SMIM21: variants seen among roughly 807,000 people sequenced by gnomAD.
SMIM21 encodes the protein small integral membrane protein 21, also known as chromosome 18 open reading frame 62.
Under a neutral mutation model 8.6 loss-of-function variants are expected in SMIM21, and 8 were observed. That is an observed-to-expected ratio of 0.93 (90% CI 0.55 to 1.68). SMIM21 has a LOEUF of 1.68. SMIM21 is among the 40% of genes most tolerant of loss of function. The pLI, the probability that SMIM21 is intolerant of heterozygous loss-of-function variation, is 0.00. For synonymous variants in SMIM21, 43 were observed against 41.7 expected (o/e 1.03, Z -0.12); for missense variants, 132 against 123.0 (o/e 1.07, Z -0.35).
intron 1 of SMIM21, among the ~76,000 whole-genome samples, chr18:75,419,400 C>T (rs1445212893): frequency 6.6e-6 from 1 of 152,070 alleles, no homozygotes; most frequent in Admixed American, 6.5e-5. Context: ...TGACAATGTG[C>T]CAACAAAATT....
chr18:75,413,568 A>G (rs1256145305), intron 2 of SMIM21, among the ~76,000 whole-genome samples: 1 of 152,210 alleles, frequency 6.6e-6, no homozygotes, highest in Non-Finnish European at 1.5e-5. Flanking sequence ...TTAGTATAAA[A>G]CAGGACACAT....
chr18:75,410,975 T>C lies in SMIM21; in HGVS notation c.261-66A>G, dbSNP rs374633876. 335 of 1,572,006 alleles carry C rather than the reference T, an allele frequency of 2.1e-4. 2 individuals are homozygous for C. The African/African-American group carries it at 4.3e-3, about 20-fold the overall frequency. On this transcript the variant is annotated intron_variant, in intron 2 of 2. Coordinates refer to ENST00000579022, the MANE Select transcript of SMIM21 (RefSeq NM_001037331.3). ...GATAGATATAATCAAAATATTACAA[T>C]AAAATTGACCATTTGTTTTTATCTA...
intron 2 of SMIM21, 89 bp downstream of exon 2, chr18:75,418,697 A>AT (rs2024675362): frequency 3.9e-6 from 3 of 766,110 alleles, no homozygotes; most frequent in Non-Finnish European, 5.6e-6. Flanking sequence ...TGAATGTTCT[A>AT]GTTTTTTTTT....
intron 1 of SMIM21, among the ~76,000 whole-genome samples, chr18:75,422,702 C>G (rs1239729417): frequency 1.7e-4 from 26 of 152,132 alleles, no homozygotes; most frequent in Admixed American, 1.6e-3. Context: ...TAGTGAGAGC[C>G]AGTCACAAAA....
chr18:75,420,960 A>G (rs1384752193), intron 1 of SMIM21, among the ~76,000 whole-genome samples: 1 of 152,194 alleles, frequency 6.6e-6, no homozygotes, highest in South Asian at 2.1e-4. Flanking sequence ...CTAGAAGCCA[A>G]TGAGCCATTC....
chr18:75,426,652 A>ATGG (rs2024766811), intron 1 of SMIM21, among the ~76,000 whole-genome samples: 3 of 77,266 alleles, frequency 3.9e-5, no homozygotes, highest in African/African-American at 1.0e-4. Flanking sequence ...AAAAAAAAAA[A>ATGG]AAAAAAAAAA....
chr18:75,425,329 A>G (rs754178752), intron 1 of SMIM21, among the ~76,000 whole-genome samples: 36 of 152,332 alleles, frequency 2.4e-4, no homozygotes, highest in Middle Eastern at 6.8e-3. Context: ...AAGAAATTAA[A>G]TGTGAAGATC....
At chr18:75,412,801 A>G (rs148690480) in intron 2 of SMIM21, among the ~76,000 whole-genome samples, 1 of 152,212 alleles carries the variant, frequency 6.6e-6, no homozygotes, top group Non-Finnish European at 1.5e-5. Context: ...TCCTAGTAAA[A>G]TACTTGATCG....
At chr18:75,419,939 A>G (rs1405554513) in intron 1 of SMIM21, among the ~76,000 whole-genome samples, 1 of 152,198 alleles carries the variant, frequency 6.6e-6, no homozygotes, top group Admixed American at 6.5e-5. Context: ...AGAACTCAGT[A>G]TTACCTGCTG....
At chr18:75,412,774 G>T (rs963113175) in intron 2 of SMIM21, among the ~76,000 whole-genome samples, 2 of 152,086 alleles carry the variant, frequency 1.3e-5, no homozygotes, top group Non-Finnish European at 2.9e-5. Flanking sequence ...CTCCCTATAG[G>T]TTTACAGAAC....
At chr18:75,422,773 C>T (rs910794295) in intron 1 of SMIM21, among the ~76,000 whole-genome samples, 1 of 152,166 alleles carries the variant, frequency 6.6e-6, no homozygotes, top group African/African-American at 2.4e-5. Context: ...GCCATAGAAA[C>T]AGGATGTGGT....
intron 2 of SMIM21, among the ~76,000 whole-genome samples, chr18:75,415,651 A>C (rs2024636176): frequency 6.6e-6 from 1 of 152,240 alleles, no homozygotes; most frequent in African/African-American, 2.4e-5. Flanking sequence ...CCATGGACAC[A>C]CACAGACTCA....
chr18:75,410,883 T>G lies in SMIM21; in HGVS notation c.287A>C (p.Asn96Thr). ...RNFLRLKSSR[N>T]TAEAE is the part of the protein sequence containing the mutation. ...TGTCATTTATTCTGCTTCTGCTGTG[T>G]TCCTGGATGACTTCAAACGTAGAAA... The change falls in exon 3 of 3, where the codon AAC (asparagine) becomes ACC (threonine). Residue 96 changes from asparagine to threonine, a missense_variant. By Grantham distance (65) the Asn-to-Thr change is moderately conservative. Transcript: ENST00000579022. 1 of 1,614,204 alleles carries G rather than the reference T, an allele frequency of 6.2e-7. No homozygotes were observed.
At chr18:75,413,130 G>A (rs920988353) in intron 2 of SMIM21, among the ~76,000 whole-genome samples, 3 of 152,086 alleles carry the variant, frequency 2.0e-5, no homozygotes, top group African/African-American at 7.2e-5. Context: ...CCCCCTACCT[G>A]AGTGTTCCTT....
intron 2 of SMIM21, among the ~76,000 whole-genome samples, chr18:75,414,478 A>G (rs1430224502): frequency 6.6e-6 from 1 of 152,070 alleles, no homozygotes; most frequent in Middle Eastern, 3.2e-3. Flanking sequence ...ATATCAGAGG[A>G]GGAAGGAAGA....
chr18:75,411,053 A>G, intron 2 of SMIM21, 144 bp from the exon 3 acceptor site: 1 of 1,233,646 alleles, frequency 8.1e-7, no homozygotes. Context: ...GAGTGTTTTG[A>G]GGCTGAGGAT....
At chr18:75,414,588 G>A (rs1201656588) in intron 2 of SMIM21, among the ~76,000 whole-genome samples, 3 of 152,302 alleles carry the variant, frequency 2.0e-5, no homozygotes, top group Non-Finnish European at 2.9e-5. Context: ...AGTGGCTAAG[G>A]AGAATGTATT....
chr18:75,421,415 G>C (rs1171896499), intron 1 of SMIM21, among the ~76,000 whole-genome samples: 1 of 151,358 alleles, frequency 6.6e-6, no homozygotes, highest in African/African-American at 2.4e-5. Context: ...TGAGCTGCAG[G>C]CTCTCCTGTG....
At chr18:75,422,074 C>G (rs776961435) in intron 1 of SMIM21, among the ~76,000 whole-genome samples, 1 of 152,106 alleles carries the variant, frequency 6.6e-6, no homozygotes, top group Non-Finnish European at 1.5e-5. Flanking sequence ...CTTGGGGAAC[C>G]GGCTTGACCC....
Sources: allele counts gnomAD v4.1 joint callset (sites outside exome capture counted in the v4.1 genomes callset), GRCh38; gene constraint gnomAD v4.1.1; transcripts MANE v1.5; gene names NCBI Gene and HGNC (gene_info 2026-07-23, HGNC 2026-07-21).